SEPTIN7: variants seen among roughly 807,000 people sequenced by gnomAD.
SEPTIN7 encodes septin-7.
SEPTIN7 carries 10 observed loss-of-function variants against 63.3 expected under a neutral mutation model. That is an observed-to-expected ratio of 0.16 (90% CI 0.10 to 0.27). The LOEUF (loss-of-function observed/expected upper bound fraction) is 0.27. SEPTIN7 is among the 10% of genes least tolerant of loss of function. The pLI is 1.00. For missense variants in SEPTIN7, 310 were observed against 521.0 expected (o/e 0.59, Z 3.94); for synonymous variants, 131 against 165.3 (o/e 0.79, Z 1.59).
intron 3 of SEPTIN7, among the ~76,000 whole-genome samples, chr7:35,833,878 G>A (rs1783952732): frequency 6.6e-6 from 1 of 151,920 alleles, no homozygotes; most frequent in Non-Finnish European, 1.5e-5. Flanking sequence ...TCTACTGACT[G>A]CAATATTTTA....
chr7:35,882,967 G>T (rs764570301), intron 8 of SEPTIN7, among the ~76,000 whole-genome samples: 1 of 152,078 alleles, frequency 6.6e-6, no homozygotes, highest in Non-Finnish European at 1.5e-5. Context: ...GATAGGAGGA[G>T]TAAGTTCTAG....
intron 11 of SEPTIN7, among the ~76,000 whole-genome samples, chr7:35,894,769 T>C (rs1787863332): frequency 1.3e-5 from 2 of 152,202 alleles, no homozygotes; most frequent in African/African-American, 4.8e-5. Flanking sequence ...TTGCTTAATT[T>C]GTTCTTTAGG....
At chr7:35,804,603 T>TA (rs1252064925) in intron 1 of SEPTIN7, among the ~76,000 whole-genome samples, 1 of 152,168 alleles carries the variant, frequency 6.6e-6, no homozygotes, top group Non-Finnish European at 1.5e-5. Context: ...ACTCAATAGA[T>TA]ACACCAGTCA....
At chr7:35,880,757 A>T (rs1161216657) in intron 7 of SEPTIN7, among the ~76,000 whole-genome samples, 1 of 152,064 alleles carries the variant, frequency 6.6e-6, no homozygotes, top group African/African-American at 2.4e-5. Flanking sequence ...TGACCCTAAG[A>T]TTAAGAGTCT....
intron 3 of SEPTIN7, among the ~76,000 whole-genome samples, chr7:35,845,992 T>C (rs1784647420): frequency 6.6e-6 from 1 of 152,106 alleles, no homozygotes; most frequent in Non-Finnish European, 1.5e-5. Context: ...GATATTCAGA[T>C]ATATGGCTTG....
At chr7:35,880,232 T>TC (rs1786786584) in intron 7 of SEPTIN7, among the ~76,000 whole-genome samples, 1 of 145,420 alleles carries the variant, frequency 6.9e-6, no homozygotes, top group Non-Finnish European at 1.5e-5. Flanking sequence ...TCTTTTTTTT[T>TC]TTTTTTTTTT....
intron 6 of SEPTIN7, chr7:35,874,085 T>G (rs1296903127): frequency 4.6e-6 from 1 of 218,712 alleles, no homozygotes; most frequent in Non-Finnish European, 8.9e-6. Flanking sequence ...CTGCTACTAA[T>G]AGAAATACCA....
downstream of SEPTIN7, among the ~76,000 whole-genome samples, chr7:35,907,346 A>G (rs1046192598): frequency 3.3e-5 from 5 of 152,154 alleles, no homozygotes; most frequent in Non-Finnish European, 5.9e-5. Context: ...TTTGTAATAA[A>G]AACTTCCCAT....
intron 2 of SEPTIN7, among the ~76,000 whole-genome samples, chr7:35,832,413 A>T (rs980954854): frequency 3.3e-5 from 5 of 152,072 alleles, no homozygotes; most frequent in African/African-American, 4.8e-5. Flanking sequence ...GAGATAATTA[A>T]AAAGGATTCT....
At chr7:35,894,820 T>A (rs1404949530) in intron 11 of SEPTIN7, among the ~76,000 whole-genome samples, 5 of 152,212 alleles carry the variant, frequency 3.3e-5, no homozygotes, top group Non-Finnish European at 7.3e-5. Context: ...TGATTGTCTT[T>A]TATTATACTC....
At chr7:35,882,635 C>A in intron 8 of SEPTIN7, 59 bp downstream of exon 8, 11 of 1,258,618 alleles carry the variant, frequency 8.7e-6, no homozygotes, top group Non-Finnish European at 1.0e-5. Flanking sequence ...CATACTACAG[C>A]GTCCACAGGA....
At chr7:35,855,516 T>G (rs557409037) in intron 3 of SEPTIN7, among the ~76,000 whole-genome samples, 2 of 152,344 alleles carry the variant, frequency 1.3e-5, no homozygotes, top group South Asian at 2.1e-4. Flanking sequence ...ATGGTTGACT[T>G]ACTTTCTTTA....
At chr7:35,851,290 A>G (rs1334829399) in intron 3 of SEPTIN7, among the ~76,000 whole-genome samples, 2 of 152,132 alleles carry the variant, frequency 1.3e-5, no homozygotes, top group Non-Finnish European at 2.9e-5. Context: ...AATTGTAAAT[A>G]TTATGTTTTG....
chr7:35,913,838 C>T, the SEPTIN7 span, among the ~76,000 whole-genome samples: 3 of 152,330 alleles, frequency 2.0e-5, no homozygotes, highest in Non-Finnish European at 4.4e-5. Context: ...GAGCCTTACA[C>T]CTTGGCCTCC....
chr7:35,870,823 TAAAA>T (rs34827594), intron 4 of SEPTIN7, among the ~76,000 whole-genome samples: 8 of 114,636 alleles, frequency 7.0e-5, no homozygotes, highest in Admixed American at 9.5e-5. Context: ...AGACCCTGAC[TAAAA>T]AAAAAAAAAA....
intron 12 of SEPTIN7, chr7:35,899,117 A>C (rs1788140098): frequency 6.6e-6 from 1 of 152,260 alleles, no homozygotes; most frequent in African/African-American, 2.4e-5. Flanking sequence ...ACTGAACATT[A>C]AAAATCCATA....
At chr7:35,842,247 G>T (rs1319073084) in intron 3 of SEPTIN7, among the ~76,000 whole-genome samples, 1 of 151,558 alleles carries the variant, frequency 6.6e-6, no homozygotes, top group Admixed American at 6.6e-5. Flanking sequence ...CAGAACCTTA[G>T]AATTATTTTA....
intron 6 of SEPTIN7, among the ~76,000 whole-genome samples, chr7:35,876,891 C>T (rs1786505651): frequency 6.6e-6 from 1 of 152,064 alleles, no homozygotes; most frequent in African/African-American, 2.4e-5. Context: ...ATTGCTTGAA[C>T]CCGGGAGGCG....
rs76862294 is a variant in SEPTIN7, at chr7:35,865,453, T to C, written c.276+1795T>C. 3.3e-3 allele frequency among the ~76,000 whole-genome samples: 501 copies of C among 152,332 alleles called. 5 individuals are homozygous for C. The highest frequency in any genetic ancestry group is 0.011 in the African/African-American group (460 of 41,578). Reference sequence around the variant, plus strand: ...AGATTACGTCTGTATTATTTACTCATGTTGGGTGTAGTTCTTTTTCATCGT... The same window carrying C: ...AGATTACGTCTGTATTATTTACTCACGTTGGGTGTAGTTCTTTTTCATCGT... On this transcript the variant is annotated intron_variant, in intron 4 of 13. Coordinates refer to ENST00000350320, the MANE Select transcript of SEPTIN7 (RefSeq NM_001788.6).
Sources: allele counts gnomAD v4.1 joint callset (sites outside exome capture counted in the v4.1 genomes callset), GRCh38; gene constraint gnomAD v4.1.1; transcripts MANE v1.5; gene names NCBI Gene and HGNC (gene_info 2026-07-23, HGNC 2026-07-21).